ZCCHC2: variants seen among roughly 807,000 people sequenced by gnomAD.
The protein encoded by ZCCHC2 is zinc finger CCHC-type containing 2.
Under a neutral mutation model 103.6 loss-of-function variants are expected in ZCCHC2, and 39 were observed. The observed-to-expected ratio is 0.38, with a 90% CI of 0.29 to 0.49. ZCCHC2 has a LOEUF of 0.49. ZCCHC2 is among the 20% of genes least tolerant of loss of function. The pLI, the probability that ZCCHC2 is intolerant of heterozygous loss-of-function variation, is 0.96. For synonymous variants in ZCCHC2, 687 were observed against 608.9 expected (o/e 1.13, Z -1.89); for missense variants, 1,483 against 1,491.0 (o/e 0.99, Z 0.09).
intron 8 of ZCCHC2, among the ~76,000 whole-genome samples, chr18:62,560,918 A>G (rs1427496560): frequency 1.3e-5 from 2 of 152,084 alleles, no homozygotes; most frequent in Non-Finnish European, 2.9e-5. Context: ...CCCTAGAGAT[A>G]ATATTACATA....
intron 1 of ZCCHC2, among the ~76,000 whole-genome samples, chr18:62,530,702 A>G (rs1914638023): frequency 6.6e-6 from 1 of 152,214 alleles, no homozygotes; most frequent in South Asian, 2.1e-4. Context: ...AGTGTTCTAC[A>G]GATAAACCCA....
intron 1 of ZCCHC2, 105 bp downstream of exon 1, chr18:62,524,468 G>A (rs1914256100): frequency 1.4e-6 from 2 of 1,394,218 alleles, no homozygotes. Flanking sequence ...GCCCGGCGCA[G>A]GTGGCTCGGA....
intron 5 of ZCCHC2, among the ~76,000 whole-genome samples, chr18:62,553,050 G>A (rs1045321352): frequency 6.6e-6 from 1 of 152,116 alleles, no homozygotes; most frequent in African/African-American, 2.4e-5. Context: ...GAAGAATGCA[G>A]AGGTGTGTAC....
At chr18:62,534,144 C>G (rs919022379) in intron 1 of ZCCHC2, among the ~76,000 whole-genome samples, 26 of 151,932 alleles carry the variant, frequency 1.7e-4, no homozygotes, top group Admixed American at 1.0e-3. Flanking sequence ...CATACCAAGA[C>G]CCCATCTCTA....
chr18:62,529,444 A>G (rs776136988), intron 1 of ZCCHC2, among the ~76,000 whole-genome samples: 6 of 152,090 alleles, frequency 3.9e-5, no homozygotes, highest in Non-Finnish European at 8.8e-5. Flanking sequence ...CCTTGTGTGG[A>G]TGGTGGTGGT....
intron 4 of ZCCHC2, among the ~76,000 whole-genome samples, chr18:62,545,920 G>A (rs1437874060): frequency 2.0e-5 from 3 of 152,188 alleles, no homozygotes; most frequent in Non-Finnish European, 4.4e-5. Context: ...ATTAGATGCT[G>A]GTTCTTTGAG....
intron 11 of ZCCHC2, among the ~76,000 whole-genome samples, chr18:62,566,006 A>G (rs989630724): frequency 6.6e-6 from 1 of 152,216 alleles, no homozygotes; most frequent in Non-Finnish European, 1.5e-5. Flanking sequence ...GCACTTTGAG[A>G]GGCCAAGGTG....
intron 5 of ZCCHC2, among the ~76,000 whole-genome samples, chr18:62,553,661 A>T (rs1201582946): frequency 6.6e-6 from 1 of 152,234 alleles, no homozygotes; most frequent in East Asian, 1.9e-4. Flanking sequence ...ATTTCTAAAA[A>T]GGTAGCAGCA....
At chr18:62,582,182 G>A (rs1351986264), downstream of ZCCHC2, among the ~76,000 whole-genome samples, 2 of 152,238 alleles carry the variant, frequency 1.3e-5, no homozygotes, top group Non-Finnish European at 2.9e-5. Flanking sequence ...CATTGACAGT[G>A]GTATTTGAGG....
In ZCCHC2 at chr18:62,563,023, G is replaced by A; in HGVS notation, c.1565G>A (p.Ser522Asn). ...TTCTTTGGTAGCAATATTGGTACAA[G>A]TTGTTCTCCATTGGATGGGCTTACC... ...KSPIVNNIGT[S>N]CSPLDGLTMQ... is the part of the protein sequence containing the mutation. Residue 522 changes from serine (S) to asparagine (N), a missense_variant, in exon 9 of 14, where the codon AGT (serine) becomes AAT (asparagine). Around this residue, in one of 3 missense-constraint regions of ZCCHC2, gnomAD observed 884 missense variants for 907.5 expected, o/e 0.97. Coordinates refer to ENST00000269499, the MANE Select transcript of ZCCHC2 (RefSeq NM_017742.6). 1 of 1,611,766 alleles carries A rather than the reference G, an allele frequency of 6.2e-7. No individual in the cohort carries two copies. The highest frequency in any genetic ancestry group is 1.3e-5 in the African/African-American group (1 of 75,030).
intron 11 of ZCCHC2, among the ~76,000 whole-genome samples, chr18:62,569,531 G>C (rs755254730): frequency 6.6e-6 from 1 of 151,294 alleles, no homozygotes; most frequent in Non-Finnish European, 1.5e-5. Flanking sequence ...TGTATCTCTT[G>C]TCCAATACTA....
At chr18:62,546,731 T>A (rs750160556) in intron 4 of ZCCHC2, among the ~76,000 whole-genome samples, 1 of 152,242 alleles carries the variant, frequency 6.6e-6, no homozygotes, top group Non-Finnish European at 1.5e-5. Flanking sequence ...CTCTGGAAGC[T>A]TCAGCTGTTT....
chr18:62,523,478 C>T lies in ZCCHC2; in HGVS notation c.54C>T (p.Pro18=), dbSNP rs1345754621. Residue 18 remains proline (P), a synonymous_variant, in exon 1 of 14, where the codon CCC becomes CCT. Coordinates refer to ENST00000269499, the MANE Select transcript of ZCCHC2 (RefSeq NM_017742.6). ...LKPTHPAEPP[P]EAEEPEADAR... ...CAACGCACCCCGCGGAGCCGCCGCC[C>T]GAGGCGGAGGAGCCCGAGGCGGACG... The T allele has an allele frequency of 3.7e-6, 4 of 1,078,900 alleles. No homozygotes were observed. Among genetic ancestry groups the T allele is most frequent in the Non-Finnish European group, 4.6e-6 (4 of 878,986 alleles). 66.8% of individuals were successfully genotyped at this position (1,078,900 alleles called of 1,614,324 possible). A position where few individuals can be genotyped will look rare whatever the true frequency, so the allele number is the denominator to read the frequency against.
At chr18:62,536,117 G>C (rs1025572670) in intron 1 of ZCCHC2, among the ~76,000 whole-genome samples, 3 of 152,136 alleles carry the variant, frequency 2.0e-5, no homozygotes, top group Non-Finnish European at 4.4e-5. Flanking sequence ...TGTTTCACAA[G>C]GTCCCCACAG....
intron 9 of ZCCHC2, 73 bp downstream of exon 9, chr18:62,563,217 T>C: frequency 2.0e-6 from 3 of 1,530,782 alleles, no homozygotes; most frequent in Admixed American, 3.7e-5. Flanking sequence ...TTAAGTTCTG[T>C]AAGCTTTCAG....
chr18:62,536,615 C>A (rs1228223314), intron 1 of ZCCHC2, among the ~76,000 whole-genome samples: 1 of 152,200 alleles, frequency 6.6e-6, no homozygotes, highest in South Asian at 2.1e-4. Context: ...GCCGAGCAGC[C>A]ACCCACCATT....
intron 2 of ZCCHC2, 102 bp downstream of exon 2, chr18:62,539,894 G>A (rs959554152): frequency 2.2e-6 from 2 of 928,260 alleles, no homozygotes; most frequent in Admixed American, 2.3e-5. Context: ...CCTTTTTGAA[G>A]TGGAGAAGTC....
intron 4 of ZCCHC2, among the ~76,000 whole-genome samples, chr18:62,546,021 C>G (rs968610387): frequency 3.9e-5 from 6 of 152,226 alleles, no homozygotes; most frequent in African/African-American, 1.2e-4. Flanking sequence ...GTTCCATCTT[C>G]CTGTGGTTTA....
rs539195283 is a variant in ZCCHC2 at position 62,561,861 on chromosome 18, C to G, written c.1551-1148C>G. On this transcript the variant is annotated intron_variant, in intron 8 of 13. Transcript: ENST00000269499. ...TTTGCATGAATTCTTGAATCTGTAG[C>G]TTGATGTCTTCTGATTTTAGAAAAC... Among the ~76,000 whole-genome samples the G allele has an allele frequency of 1.4e-3, 206 of 152,316 alleles. 1 individual carries two copies. Among genetic ancestry groups the G allele is most frequent in the African/African-American group, 4.8e-3 (199 of 41,570 alleles).
Sources: gnomAD v4.1 joint callset for allele counts (sites outside exome capture counted in the v4.1 genomes callset) on GRCh38, gnomAD v4.1.1 for gene constraint, gnomAD v4.1.1 regional missense constraint, MANE v1.5 for transcripts, NCBI Gene and HGNC (gene_info 2026-07-23, HGNC 2026-07-21) for gene names.